The following ZSCAN25 variants were observed in gnomAD, a reference collection of about 807,000 sequenced individuals.
ZSCAN25 encodes zinc finger and SCAN domain-containing protein 25.
A neutral mutation model predicts 38.7 loss-of-function variants in ZSCAN25; 27 were observed. The observed-to-expected ratio is 0.70, with a 90% CI of 0.51 to 0.96. The LOEUF (loss-of-function observed/expected upper bound fraction) is 0.96. Ranked by LOEUF, ZSCAN25 falls within the 40% of genes least tolerant of loss-of-function variation. ZSCAN25 has a pLI of 0.00. For missense variants in ZSCAN25, 637 were observed against 705.9 expected (o/e 0.90, Z 1.11); for synonymous variants, 273 against 277.7 (o/e 0.98, Z 0.17).
chr7:99,655,482 C>T, the ZSCAN25 span, among the ~76,000 whole-genome samples: 1 of 152,126 alleles, frequency 6.6e-6, no homozygotes, highest in Non-Finnish European at 1.5e-5. Context: ...GTTACTGTAG[C>T]CTTGTAGTAT....
chr7:99,643,687 A>G, the ZSCAN25 span, among the ~76,000 whole-genome samples: 10,053 of 151,818 alleles, frequency 0.066, 457 homozygotes, highest in African/African-American at 0.12. Flanking sequence ...GTCCCACTGT[A>G]GTAGTATCTG....
At chr7:99,668,571 GT>G in the ZSCAN25 span, among the ~76,000 whole-genome samples, 1 of 152,198 alleles carries the variant, frequency 6.6e-6, no homozygotes, top group Admixed American at 6.5e-5. Flanking sequence ...GGTAATCAGA[GT>G]ATGTCACATC....
At chr7:99,714,828 C>A in the ZSCAN25 span, 4 of 1,402,996 alleles carry the variant, frequency 2.9e-6, no homozygotes, top group Non-Finnish European at 3.8e-6. Flanking sequence ...GACTTTTGCC[C>A]CTCTTCCAGG....
At chr7:99,666,567 C>T in the ZSCAN25 span, 1 of 1,605,952 alleles carries the variant, frequency 6.2e-7, no homozygotes, top group African/African-American at 1.3e-5. Context: ...GGGCTCATGA[C>T]AGCTCAGAAC....
chr7:99,705,331 A>G, the ZSCAN25 span: 9 of 748,658 alleles, frequency 1.2e-5, no homozygotes, highest in East Asian at 1.2e-4. Flanking sequence ...ATAACACTCT[A>G]TACAGACCAT....
chr7:99,696,913 C>T, the ZSCAN25 span, among the ~76,000 whole-genome samples: 21 of 152,152 alleles, frequency 1.4e-4, no homozygotes, highest in African/African-American at 4.6e-4. Context: ...ACCTCCTCCC[C>T]ACCCTCTCTT....
the ZSCAN25 span, among the ~76,000 whole-genome samples, chr7:99,721,742 C>CAT: frequency 2.0e-5 from 3 of 151,266 alleles, no homozygotes; most frequent in African/African-American, 7.3e-5. Context: ...AATTATGACA[C>CAT]GTGTGTGTGT....
At chr7:99,623,093 A>G (rs968128231) in intron 6 of ZSCAN25, among the ~76,000 whole-genome samples, 5 of 152,176 alleles carry the variant, frequency 3.3e-5, no homozygotes, top group South Asian at 2.1e-4. Context: ...GGCATGAGCC[A>G]CCGCGCCCAG....
the ZSCAN25 span, chr7:99,660,330 C>A: frequency 8.0e-7 from 1 of 1,244,606 alleles, no homozygotes; most frequent in South Asian, 1.9e-5. Flanking sequence ...CCAGTAGCAA[C>A]CGTTCTCTAT....
the ZSCAN25 span, chr7:99,671,314 G>T: frequency 6.6e-6 from 1 of 152,592 alleles, no homozygotes; most frequent in Non-Finnish European, 1.5e-5. Flanking sequence ...GGAAAGGCAA[G>T]GGACAAGAAA....
the ZSCAN25 span, chr7:99,658,957 A>G: frequency 2.0e-5 from 3 of 152,212 alleles, no homozygotes; most frequent in East Asian, 1.9e-4. Flanking sequence ...ACTTCTCTGC[A>G]TTGATTATTC....
At chr7:99,718,258 A>T in the ZSCAN25 span, among the ~76,000 whole-genome samples, 1 of 152,186 alleles carries the variant, frequency 6.6e-6, no homozygotes, top group Non-Finnish European at 1.5e-5. Context: ...TGTACCCTAA[A>T]AAAAGTATAA....
the ZSCAN25 span, among the ~76,000 whole-genome samples, chr7:99,679,005 G>A: frequency 6.6e-6 from 1 of 152,198 alleles, no homozygotes; most frequent in Admixed American, 6.5e-5. Flanking sequence ...ATCCAAATTG[G>A]CTTTCATGGC....
chr7:99,700,505 T>G, the ZSCAN25 span, among the ~76,000 whole-genome samples: 1 of 152,114 alleles, frequency 6.6e-6, no homozygotes. Flanking sequence ...TACACATCCT[T>G]GCACGCCCAG....
At chr7:99,639,747 A>G in the ZSCAN25 span, among the ~76,000 whole-genome samples, 1 of 152,168 alleles carries the variant, frequency 6.6e-6, no homozygotes, top group East Asian at 1.9e-4. Context: ...AGTGGGTTGT[A>G]GATTTCTCCT....
the ZSCAN25 span, among the ~76,000 whole-genome samples, chr7:99,657,947 T>G: frequency 1.3e-5 from 2 of 152,324 alleles, no homozygotes; most frequent in African/African-American, 2.4e-5. Flanking sequence ...TAGATCTTCC[T>G]CCATCCCTTT....
the ZSCAN25 span, among the ~76,000 whole-genome samples, chr7:99,711,556 G>A: frequency 6.6e-6 from 1 of 152,180 alleles, no homozygotes; most frequent in Admixed American, 6.5e-5. Flanking sequence ...ATCACCCGAG[G>A]TCAGGAGTTC....
the ZSCAN25 span, among the ~76,000 whole-genome samples, chr7:99,637,747 C>T: frequency 1.3e-5 from 2 of 151,922 alleles, no homozygotes; most frequent in Non-Finnish European, 1.5e-5. Context: ...GGGGGAAAGG[C>T]CTTAAATATA....
At chr7:99,716,213 T>C in the ZSCAN25 span, among the ~76,000 whole-genome samples, 1 of 152,174 alleles carries the variant, frequency 6.6e-6, no homozygotes, top group African/African-American at 2.4e-5. Flanking sequence ...CATGTGTTAA[T>C]TGTGGATGAT....
Sources: allele counts gnomAD v4.1 joint callset (sites outside exome capture counted in the v4.1 genomes callset), GRCh38; gene constraint gnomAD v4.1.1; transcripts MANE v1.5; gene names NCBI Gene and HGNC (gene_info 2026-07-23, HGNC 2026-07-21).